CPLANE1: variants seen among roughly 807,000 people sequenced by gnomAD.
CPLANE1 encodes the protein ciliogenesis and planar polarity effector complex subunit 1, also known as ciliogenesis and planar polarity effector 1.
Under a neutral mutation model 362.5 loss-of-function variants are expected in CPLANE1, and 263 were observed. That is an observed-to-expected ratio of 0.73 (90% CI 0.66 to 0.80). The LOEUF (loss-of-function observed/expected upper bound fraction) is 0.80, where lower values mean the gene tolerates loss of function less well. Among genes scored for constraint, CPLANE1 ranks in the 30% least tolerant of loss-of-function variants. CPLANE1 has a pLI of 0.00. For synonymous variants in CPLANE1, 1,212 were observed against 1,302.6 expected (o/e 0.93, Z 1.50); for missense variants, 3,461 against 3,793.4 (o/e 0.91, Z 2.30).
At chr5:37,108,271 C>A in intron 52 of CPLANE1, 22 bp downstream of exon 52, 1 of 1,604,238 alleles carries the variant, frequency 6.2e-7, no homozygotes, top group Non-Finnish European at 8.5e-7. Flanking sequence ...ACTAGACAAA[C>A]AAAATCTAGA....
chr5:37,198,808 C>G lies in CPLANE1; in HGVS notation c.3566G>C (p.Gly1189Ala). The part of the protein sequence containing the change: ...AEKNNRQKVS[G>A]ILQRVLLLFR... ...AAGCAGGAGAACACGCTGAAGGATT[C>G]CAGATACCTTCTGGCGATTATTTTT... Residue 1189 changes from glycine to alanine, a missense_variant, in exon 20 of 53, where the codon GGA (glycine) becomes GCA (alanine). This residue lies in a region of CPLANE1 where 3,380 missense variants were observed against 3,666.1 expected (regional missense o/e 0.92). Coordinates refer to ENST00000651892, the MANE Select transcript of CPLANE1 (RefSeq NM_001384732.1). 6.2e-7 allele frequency: 1 copy of G among 1,614,044 alleles called. No homozygotes were observed. Among genetic ancestry groups the G allele is most frequent in the Non-Finnish European group, 8.5e-7 (1 of 1,179,994 alleles).
rs1472040391 is a variant in CPLANE1, at chr5:37,122,502, AC to A, written c.8959-15del. Reference sequence around the variant, plus strand: ...AGTCATGTAAAGCTGCATAAAAAATACCCAGTTGGTTCATTATTGTTCAATC... The same window carrying A: ...AGTCATGTAAAGCTGCATAAAAAATACCAGTTGGTTCATTATTGTTCAATC... On this transcript the variant is annotated splice_polypyrimidine_tract_variant and intron_variant, in intron 47 of 52. Coordinates refer to ENST00000651892, the MANE Select transcript of CPLANE1 (RefSeq NM_001384732.1). 1 of 1,601,180 alleles carries A rather than the reference AC, an allele frequency of 6.2e-7. No individual in the cohort carries two copies.
intron 34 of CPLANE1, 118 bp from the exon 35 acceptor site, chr5:37,167,331 A>T: frequency 1.3e-6 from 1 of 760,566 alleles, no homozygotes; most frequent in African/African-American, 1.8e-5. Context: ...CAGTTAGAAC[A>T]AATCAAATAT....
At chr5:37,102,388 A>T (rs144762172), downstream of CPLANE1, among the ~76,000 whole-genome samples, 1 of 152,058 alleles carries the variant, frequency 6.6e-6, no homozygotes, top group Non-Finnish European at 1.5e-5. Context: ...GGATCTCACC[A>T]TGTTAGCCAG....
chr5:37,117,810 C>T (rs1040513722), intron 50 of CPLANE1, among the ~76,000 whole-genome samples: 1 of 152,182 alleles, frequency 6.6e-6, no homozygotes, highest in Non-Finnish European at 1.5e-5. Context: ...GTGAGATTAA[C>T]GGAAAGACGG....
chr5:37,091,991 G>A, the CPLANE1 span, among the ~76,000 whole-genome samples: 1 of 152,188 alleles, frequency 6.6e-6, no homozygotes, highest in Non-Finnish European at 1.5e-5. Context: ...ATTTACTTCA[G>A]ATAATTTGTT....
the CPLANE1 span, among the ~76,000 whole-genome samples, chr5:37,088,667 C>T: frequency 6.6e-6 from 1 of 152,194 alleles, no homozygotes; most frequent in African/African-American, 2.4e-5. Flanking sequence ...CAGCAGCTTT[C>T]CTCGATCAGA....
At chr5:37,131,536 A>T (rs190822155) in intron 46 of CPLANE1, among the ~76,000 whole-genome samples, 2,459 of 149,150 alleles carry the variant, frequency 0.016, 73 homozygotes, top group African/African-American at 0.057. Flanking sequence ...GTAAAAAAAA[A>T]TTTTTTTTTT....
intron 4 of CPLANE1, among the ~76,000 whole-genome samples, chr5:37,245,057 C>A (rs1336656798): frequency 2.6e-5 from 4 of 151,530 alleles, no homozygotes; most frequent in African/African-American, 9.7e-5. Flanking sequence ...GAGGCTGAGG[C>A]AGGAGAATGG....
intron 46 of CPLANE1, among the ~76,000 whole-genome samples, chr5:37,127,915 C>G (rs1221831964): frequency 6.6e-6 from 1 of 152,022 alleles, no homozygotes; most frequent in Non-Finnish European, 1.5e-5. Context: ...TGGCACACAT[C>G]TGTGGTCACA....
At position 37,244,478 on chromosome 5, in the gene CPLANE1, GA is replaced by G. The variant is rs1370405514; in HGVS notation, c.466del (p.Ser156HisfsTer26). On this transcript the variant is annotated frameshift_variant, in exon 5 of 53. Transcript: ENST00000651892. ...LKNILSSKSL[S>X]LAGRWSQVIP... is the part of the protein sequence containing the mutation. ...GACCTGGGACCACCGACCCGCCAAT[GA>G]AAGGCTTTTAGAAGATAAGATATTC... 6.4e-7 allele frequency: 1 copy of G among 1,551,922 alleles called. No homozygotes were observed. The highest frequency in any genetic ancestry group is 2.4e-5 in the East Asian group (1 of 40,898).
At chr5:37,155,941 T>A (rs1774968295) in intron 41 of CPLANE1, among the ~76,000 whole-genome samples, 1 of 152,204 alleles carries the variant, frequency 6.6e-6, no homozygotes, top group Non-Finnish European at 1.5e-5. Context: ...GATTGCTAGC[T>A]TCATACATCC....
At chr5:37,142,155 T>C (rs1306703020) in intron 44 of CPLANE1, 155 bp downstream of exon 44, 31 of 1,254,816 alleles carry the variant, frequency 2.5e-5, no homozygotes, top group Non-Finnish European at 3.1e-5. Context: ...CAGTTCTTCA[T>C]GTGACTAGCA....
chr5:37,243,602 T>G (rs192699861), intron 5 of CPLANE1, among the ~76,000 whole-genome samples: 1 of 149,522 alleles, frequency 6.7e-6, no homozygotes, highest in African/African-American at 2.4e-5. Context: ...AAATCGCATA[T>G]TTAGTATCAT....
At chr5:37,175,531 T>C (rs1437428377) in intron 31 of CPLANE1, among the ~76,000 whole-genome samples, 1 of 152,232 alleles carries the variant, frequency 6.6e-6, no homozygotes, top group African/African-American at 2.4e-5. Context: ...CACTAAGCAC[T>C]CTGTTCAAAA....
intron 23 of CPLANE1, among the ~76,000 whole-genome samples, chr5:37,186,751 T>C (rs1284390406): frequency 2.6e-5 from 4 of 152,200 alleles, no homozygotes; most frequent in South Asian, 4.1e-4. Flanking sequence ...AGGTAAACAA[T>C]ACACTACGAT....
intron 48 of CPLANE1, 100 bp from the exon 49 acceptor site, chr5:37,121,884 T>G: frequency 1.0e-6 from 1 of 985,820 alleles, no homozygotes; most frequent in African/African-American, 1.7e-5. Flanking sequence ...TGTTCTGGTT[T>G]TTTTTTTTTT....
chr5:37,221,113 G>A (rs1480284180), intron 15 of CPLANE1, among the ~76,000 whole-genome samples: 1 of 152,074 alleles, frequency 6.6e-6, no homozygotes. Context: ...TCACCAGAGA[G>A]GTAGAACAAC....
At chr5:37,234,675 A>G (rs1798540174) in intron 8 of CPLANE1, among the ~76,000 whole-genome samples, 1 of 152,160 alleles carries the variant, frequency 6.6e-6, no homozygotes, top group Non-Finnish European at 1.5e-5. Context: ...AGAGTTAGAC[A>G]TTCAGATACA....
Sources: allele counts gnomAD v4.1 joint callset (sites outside exome capture counted in the v4.1 genomes callset), GRCh38; gene constraint gnomAD v4.1.1; regional missense constraint gnomAD v4.1.1; transcripts MANE v1.5; gene names NCBI Gene and HGNC (gene_info 2026-07-23, HGNC 2026-07-21).